Variants in ZNF99 observed in about 807,000 individuals in gnomAD.
ZNF99 encodes the protein zinc finger protein ENSP00000375192.
In ZNF99, 8 loss-of-function variants were observed where a neutral mutation model predicts 12.8. The observed-to-expected ratio is 0.62, with a 90% CI of 0.37 to 1.13. ZNF99 has a LOEUF of 1.13. ZNF99 is among the 50% of genes most tolerant of loss of function. The pLI is 0.02. For synonymous variants in ZNF99, 318 were observed against 319.0 expected, an observed-to-expected ratio of 1.00 and a Z score of 0.03; for missense variants, 1,007 against 1,006.2, an observed-to-expected ratio of 1.00 and a Z score of -0.01.
intron 1 of ZNF99, among the ~76,000 whole-genome samples, chr19:22,778,944 T>C (rs1283782131): frequency 6.6e-6 from 1 of 150,430 alleles, no homozygotes; most frequent in Non-Finnish European, 1.5e-5. Context: ...GAAGTGGAGG[T>C]TGTGGTGAGC....
rs35026292 is a variant in ZNF99 at position 22,766,282 on chromosome 19, T to TA, written c.226+2022dup. Among the ~76,000 whole-genome samples the TA allele has an allele frequency of 5.3e-3, 694 of 131,246 alleles. 2 individuals are homozygous for TA. Among genetic ancestry groups the TA allele is most frequent in the Middle Eastern group, 0.02 (5 of 250 alleles). 86.1% of individuals were successfully genotyped at this position (131,246 alleles called of 152,430 possible). ...TAAACAAGAAATGAGACAAAATATG[T>TA]AAAAAAAAAAAAAACATAAAACATA... On this transcript the variant is annotated intron_variant, in intron 3 of 3. Transcript: ENST00000596209.
intron 1 of ZNF99, among the ~76,000 whole-genome samples, chr19:22,779,353 G>A (rs903858773): frequency 1.6e-4 from 25 of 151,916 alleles, no homozygotes; most frequent in African/African-American, 5.3e-4. Flanking sequence ...GTGAAACACG[G>A]TCTCTACTAA....
intron 1 of ZNF99, among the ~76,000 whole-genome samples, chr19:22,771,626 T>C (rs1281534917): frequency 1.3e-5 from 2 of 151,242 alleles, no homozygotes; most frequent in Admixed American, 1.3e-4. Context: ...ACATTACATG[T>C]TCTACTTTTT....
In ZNF99 at chr19:22,758,331, T is replaced by C. The variant is rs557956575; in HGVS notation, c.1578A>G (p.Lys526=). 1 of 1,613,568 alleles carries C rather than the reference T, an allele frequency of 6.2e-7. No homozygotes were observed. The highest frequency in any genetic ancestry group is 1.1e-5 in the South Asian group (1 of 91,058). Residue 526 remains lysine (K), a synonymous_variant, in exon 4 of 4, where the codon AAA becomes AAG. Coordinates refer to ENST00000596209, the MANE Select transcript of ZNF99 (RefSeq NM_001080409.3). The part of the protein sequence containing the change: ...KAFKHFSALR[K]HKIIHTGKKP... ...TCTTTCCAGTATGAATTATCTTATG[T>C]TTTCTAAGGGCTGAGAAATGCTTAA...
chr19:22,777,539 A>C (rs774250531), intron 1 of ZNF99, among the ~76,000 whole-genome samples: 4 of 152,180 alleles, frequency 2.6e-5, no homozygotes, highest in Non-Finnish European at 2.9e-5. Flanking sequence ...TAAAAGTTAA[A>C]ACAAAAAAAC....
In ZNF99 at chr19:22,754,365, TCA is replaced by T. The variant is rs1491567863; in HGVS notation, c.*2947_*2948del. 2.0e-4 allele frequency: 76 copies of T among 371,224 alleles called. No homozygotes were observed. The highest frequency in any genetic ancestry group is 5.9e-4 in the African/African-American group (25 of 42,316). The allele number at this position is 371,224 out of a possible 1,614,324, so 23.0% of individuals were successfully genotyped here. On this transcript the variant is annotated 3_prime_UTR_variant, in exon 4 of 4. Transcript: ENST00000596209. ...TTGGGCGACAGAGTGAGACTCCATT[TCA>T]AAAAAAAAAAAAAAACTTTGCCACA...
chr19:22,758,833 T>A lies in ZNF99; in HGVS notation c.1076A>T (p.His359Leu). 6.2e-7 allele frequency: 1 copy of A among 1,606,194 alleles called. No homozygotes were observed. The highest frequency in any genetic ancestry group is 8.5e-7 in the Non-Finnish European group (1 of 1,175,016). Residue 359 changes from histidine (H) to leucine (L), a missense_variant, in exon 4 of 4, where the codon CAT (histidine) becomes CTT (leucine). His to Leu is a moderately conservative substitution (Grantham distance 99, BLOSUM62 -3). Transcript: ENST00000596209. ...TTTCTCTTCAGTATGAATTATCTCA[T>A]GTTTTCTAAGGGTTGAGGACTGGCT... is the stretch of plus-strand genomic sequence containing the variant. ...AFSQSSTLRKHEIIHTEEKPY... is the reference protein window; with the variant it reads ...AFSQSSTLRKLEIIHTEEKPY...
intron 1 of ZNF99, among the ~76,000 whole-genome samples, chr19:22,777,788 C>T (rs567310074): frequency 6.6e-6 from 1 of 152,118 alleles, no homozygotes; most frequent in South Asian, 2.1e-4. Context: ...GCAGGAAACA[C>T]TAGGATCAAA....
chr19:22,755,771 A>G lies in ZNF99; in HGVS notation c.*1543T>C, dbSNP rs567489254. ...GAGGACTGATTAAAAGCTTTGCCAC[A>G]TTCCTCACATTTGAAGGGTTTATCT... On this transcript the variant is annotated 3_prime_UTR_variant, in exon 4 of 4. Coordinates refer to ENST00000596209, the MANE Select transcript of ZNF99 (RefSeq NM_001080409.3). 2.2e-5 allele frequency: 7 copies of G among 325,326 alleles called. No individual in the cohort carries two copies. The highest frequency in any genetic ancestry group is 4.3e-5 in the Non-Finnish European group (7 of 161,014). 20.2% of individuals were successfully genotyped at this position (325,326 alleles called of 1,614,324 possible).
chr19:22,759,576 T>C lies in ZNF99; in HGVS notation c.333A>G (p.Leu111=), dbSNP rs1973128018. Residue 111 remains leucine (L), a synonymous_variant, in exon 4 of 4, where the codon TTA becomes TTG. Transcript: ENST00000596209. Reference sequence around the variant, plus strand: ...CACTTTCACAATCTTTTCTTAATCGTAAATTCTTATGTCCACATCTTGCAT... The same window carrying C: ...CACTTTCACAATCTTTTCTTAATCGCAAATTCTTATGTCCACATCTTGCAT... The part of the protein sequence containing the change: ...RTYARCGHKN[L]RLRKDCESVN... 1 of 1,611,852 alleles carries C rather than the reference T, an allele frequency of 6.2e-7. No individual in the cohort carries two copies. The highest frequency in any genetic ancestry group is 8.5e-7 in the Non-Finnish European group (1 of 1,179,274).
Position 22,757,746 on chromosome 19 carries a change from T to C in ZNF99, c.2163A>G (p.Arg721=), listed in dbSNP as rs369956243. ...GKAFSQSSTL[R]KHEIIHTGEK... The stretch of plus-strand genomic sequence containing the variant: ...CTCCAGTATGAATTATCTCATGTTT[T>C]CTAAGAGTTGAGGACTGGCTAAAAG... The change falls in exon 4 of 4, where the codon AGA becomes AGG. Residue 721 remains arginine, a synonymous_variant. Transcript: ENST00000596209. 7 of 1,611,904 alleles carry C rather than the reference T, an allele frequency of 4.3e-6. No individual in the cohort carries two copies. The highest frequency in any genetic ancestry group is 4.0e-5 in the African/African-American group (3 of 74,402).
rs1973127729 is a variant in ZNF99, at chr19:22,759,551, C to T, written c.358G>A (p.Val120Ile). 3 of 1,611,998 alleles carry T rather than the reference C, an allele frequency of 1.9e-6. No homozygotes were observed. Among genetic ancestry groups the T allele is most frequent in the Admixed American group, 1.7e-5 (1 of 59,784 alleles). Reference sequence around the variant, plus strand: ...TCTTCGTGCATCTTACCCTCATTGACACTTTCACAATCTTTTCTTAATCGT... The same window carrying T: ...TCTTCGTGCATCTTACCCTCATTGATACTTTCACAATCTTTTCTTAATCGT... Reference protein sequence around the residue: ...NLRLRKDCESVNEGKMHEEAY... With the variant: ...NLRLRKDCESINEGKMHEEAY... Residue 120 changes from valine to isoleucine, a missense_variant, in exon 4 of 4, where the codon GTC (valine) becomes ATC (isoleucine). Coordinates refer to ENST00000596209, the MANE Select transcript of ZNF99 (RefSeq NM_001080409.3).
At chr19:22,778,633 C>T (rs1326334450) in intron 1 of ZNF99, among the ~76,000 whole-genome samples, 1 of 152,174 alleles carries the variant, frequency 6.6e-6, no homozygotes, top group African/African-American at 2.4e-5. Flanking sequence ...CAGGAAAACA[C>T]TGTAGTTACA....
chr19:22,757,114 T>C lies in ZNF99; in HGVS notation c.*200A>G. Reference sequence around the variant, plus strand: ...AATTGTTAAAAGCTTTTCCACATTCTCCACATTTGTAGGGCTTCTCCCCAG... The same window carrying C: ...AATTGTTAAAAGCTTTTCCACATTCCCCACATTTGTAGGGCTTCTCCCCAG... On this transcript the variant is annotated 3_prime_UTR_variant, in exon 4 of 4. Coordinates refer to ENST00000596209, the MANE Select transcript of ZNF99 (RefSeq NM_001080409.3). 6.2e-7 allele frequency: 1 copy of C among 1,612,822 alleles called. No homozygotes were observed. The highest frequency in any genetic ancestry group is 8.5e-7 in the Non-Finnish European group (1 of 1,179,188).
At chr19:22,781,050 A>T (rs1973381530) in intron 1 of ZNF99, among the ~76,000 whole-genome samples, 1 of 152,218 alleles carries the variant, frequency 6.6e-6, no homozygotes, top group Non-Finnish European at 1.5e-5. Flanking sequence ...TTCTGGGAAA[A>T]AGGTAAATGA....
At chr19:22,760,845 G>C (rs917742541) in intron 3 of ZNF99, among the ~76,000 whole-genome samples, 28 of 127,940 alleles carry the variant, frequency 2.2e-4, no homozygotes, top group Non-Finnish European at 3.9e-4. Flanking sequence ...ACAAAAAATA[G>C]ATTACTATTG....
intron 1 of ZNF99, chr19:22,773,844 G>GTGA (rs751151817): frequency 2.6e-5 from 4 of 152,222 alleles, no homozygotes; most frequent in Admixed American, 6.5e-5. Flanking sequence ...CAGCACTCCA[G>GTGA]TGACACCTCA....
At chr19:22,768,435 T>C in intron 2 of ZNF99, 35 bp from the exon 3 acceptor site, 16 of 1,544,052 alleles carry the variant, frequency 1.0e-5, no homozygotes, top group Non-Finnish European at 1.4e-5. Flanking sequence ...TAAATATTGC[T>C]CATATTCCCC....
intron 1 of ZNF99, among the ~76,000 whole-genome samples, chr19:22,782,660 CCTT>C (rs1310886371): frequency 1.9e-5 from 2 of 107,998 alleles, no homozygotes; most frequent in African/African-American, 8.3e-5. Flanking sequence ...CCGCACCTGG[CCTT>C]TTTTTTTTTT....
Sources: gnomAD v4.1 joint callset for allele counts (sites outside exome capture counted in the v4.1 genomes callset) on GRCh38, gnomAD v4.1.1 for gene constraint, MANE v1.5 for transcripts, NCBI Gene and HGNC (gene_info 2026-07-23, HGNC 2026-07-21) for gene names.